The following LAMA3 variants were observed in gnomAD, a reference collection of about 807,000 sequenced individuals.
LAMA3 encodes laminin subunit alpha 3, also known as laminin subunit alpha-3.
Under a neutral mutation model 402.0 loss-of-function variants are expected in LAMA3, and 281 were observed. The observed-to-expected ratio is 0.70, with a 90% confidence interval of 0.63 to 0.77. The LOEUF is 0.77. LAMA3 is among the 30% of genes least tolerant of loss of function. The pLI, the probability that LAMA3 is intolerant of heterozygous loss-of-function variation, is 0.00. For synonymous variants in LAMA3, 1,431 were observed against 1,558.4 expected, an observed-to-expected ratio of 0.92 and a Z score of 1.93; for missense variants, 3,840 against 4,215.5, an observed-to-expected ratio of 0.91 and a Z score of 2.47.
intron 38 of LAMA3, chr18:23,872,966 C>G: frequency 2.5e-6 from 4 of 1,581,826 alleles, no homozygotes; most frequent in South Asian, 1.1e-5. Context: ...CAGGCAGGCC[C>G]GGGCACTGAG....
At chr18:23,937,155 C>G (rs1261609949) in intron 67 of LAMA3, among the ~76,000 whole-genome samples, 4 of 151,964 alleles carry the variant, frequency 2.6e-5, no homozygotes, top group Admixed American at 2.6e-4. Flanking sequence ...CACCTGAGGT[C>G]AGGAGTTCAA....
At chr18:23,789,791 T>A (rs568716706) in intron 12 of LAMA3, among the ~76,000 whole-genome samples, 7 of 152,304 alleles carry the variant, frequency 4.6e-5, no homozygotes, top group Admixed American at 2.0e-4. Flanking sequence ...AGTTGCACAC[T>A]TTACACTTCA....
intron 6 of LAMA3, among the ~76,000 whole-genome samples, chr18:23,756,998 C>T (rs1305653809): frequency 7.1e-6 from 1 of 141,222 alleles, no homozygotes; most frequent in Admixed American, 7.8e-5. Flanking sequence ...AGGGTGAATT[C>T]TGGGTCCAGG....
At chr18:23,698,274 T>C (rs565802758) in intron 1 of LAMA3, among the ~76,000 whole-genome samples, 38 of 147,222 alleles carry the variant, frequency 2.6e-4, no homozygotes, top group African/African-American at 8.9e-4. Flanking sequence ...TGGCGCGATC[T>C]CGGCTCACTG....
At chr18:23,916,724 C>A in intron 60 of LAMA3, 29 bp downstream of exon 60, 1 of 1,609,274 alleles carries the variant, frequency 6.2e-7, no homozygotes, top group Non-Finnish European at 8.5e-7. Flanking sequence ...CCAGATACAA[C>A]CAAATATATT....
chr18:23,914,339 C>T, intron 56 of LAMA3, 71 bp from the exon 57 acceptor site: 1 of 1,539,982 alleles, frequency 6.5e-7, no homozygotes, highest in East Asian at 2.2e-5. Context: ...TGAAATGCAT[C>T]CTCATCCTCT....
chr18:23,905,736 C>A (rs1341537375), intron 52 of LAMA3, 112 bp downstream of exon 52: 2 of 621,192 alleles, frequency 3.2e-6, no homozygotes, highest in African/African-American at 1.9e-5. Context: ...AGTGTCAATG[C>A]AGATGATACC....
rs2080808862 is a variant in LAMA3 at position 23,894,589 on chromosome 18, G to C, written c.5461+241G>C. ...ATGATAACTAGACCTACCTTATAGG[G>C]ATATTAGGGAAGTGCTTGTAAATGT... On this transcript the variant is annotated intron_variant, in intron 43 of 74. Transcript: ENST00000313654. Among the ~76,000 whole-genome samples the C allele has an allele frequency of 2.0e-5, 3 of 152,308 alleles. No individual in the cohort carries two copies. The South Asian group carries it at 6.2e-4, about 32-fold the overall frequency.
At chr18:23,733,302 A>G (rs996304497) in intron 2 of LAMA3, among the ~76,000 whole-genome samples, 1 of 152,202 alleles carries the variant, frequency 6.6e-6, no homozygotes, top group African/African-American at 2.4e-5. Flanking sequence ...GACATACCTG[A>G]GACCGGGTAA....
At chr18:23,811,509 G>A (rs912491122) in intron 13 of LAMA3, among the ~76,000 whole-genome samples, 2 of 152,132 alleles carry the variant, frequency 1.3e-5, no homozygotes, top group East Asian at 3.9e-4. Context: ...CCTAGGATGC[G>A]AGGGCATCCT....
chr18:23,724,308 T>G (rs1478289605), intron 2 of LAMA3, among the ~76,000 whole-genome samples: 2 of 152,194 alleles, frequency 1.3e-5, no homozygotes, highest in Non-Finnish European at 2.9e-5. Context: ...AGAAAATCAA[T>G]AAAGCCATTT....
At chr18:23,690,593 C>A (rs1046617437) in intron 1 of LAMA3, among the ~76,000 whole-genome samples, 2 of 152,188 alleles carry the variant, frequency 1.3e-5, no homozygotes, top group Non-Finnish European at 2.9e-5. Flanking sequence ...GGGCAAACGA[C>A]ATTGCGGTGC....
chr18:23,823,763 T>A (rs922124045), intron 20 of LAMA3, among the ~76,000 whole-genome samples: 7 of 152,242 alleles, frequency 4.6e-5, no homozygotes, highest in Non-Finnish European at 7.3e-5. Context: ...GATGCAATAG[T>A]TTATTTCTTT....
chr18:23,750,777 C>G, intron 4 of LAMA3, 141 bp from the exon 5 acceptor site: 2 of 818,160 alleles, frequency 2.4e-6, no homozygotes, highest in Non-Finnish European at 4.1e-6. Context: ...TAGACATAAA[C>G]AAGACCCAAG....
chr18:23,891,599 G>C (rs997929521), intron 42 of LAMA3, among the ~76,000 whole-genome samples: 3 of 152,218 alleles, frequency 2.0e-5, no homozygotes, highest in Non-Finnish European at 4.4e-5. Flanking sequence ...AGTCTAGAAT[G>C]ATGGGCCAAT....
rs547672588 is a variant in LAMA3, at chr18:23,950,984, G to A, written c.9643-700G>A. 1.3e-4 allele frequency among the ~76,000 whole-genome samples: 20 copies of A among 152,308 alleles called. No homozygotes were observed. In the South Asian group the frequency reaches 2.7e-3, roughly 21 times the overall value. On this transcript the variant is annotated intron_variant, in intron 72 of 74. Transcript: ENST00000313654. ...TCAAGACCCGATGACCTTCATAATA[G>A]CAGTGACATTGTTTAGCTCAAAAAT...
chr18:23,747,429 T>C (rs2061671722), intron 2 of LAMA3, among the ~76,000 whole-genome samples: 1 of 152,148 alleles, frequency 6.6e-6, no homozygotes, highest in Admixed American at 6.5e-5. Context: ...CAGGAAAAGA[T>C]GAGGCCGGAG....
chr18:23,714,163 A>G (rs199550712), intron 2 of LAMA3, 91 bp downstream of exon 2: 8 of 1,021,002 alleles, frequency 7.8e-6, no homozygotes, highest in African/African-American at 1.6e-5. Context: ...TAAAAAAAAA[A>G]CAAACTTCAG....
intron 36 of LAMA3, 56 bp from the exon 37 acceptor site, chr18:23,867,778 A>G (rs1471054107): frequency 7.5e-7 from 1 of 1,331,918 alleles, no homozygotes; most frequent in African/African-American, 1.4e-5. Flanking sequence ...GATCAGTTAT[A>G]AATCTTGAAA....
Sources: gnomAD v4.1 joint callset for allele counts (sites outside exome capture counted in the v4.1 genomes callset) on GRCh38, gnomAD v4.1.1 for gene constraint, MANE v1.5 for transcripts, NCBI Gene and HGNC (gene_info 2026-07-23, HGNC 2026-07-21) for gene names.